The following WNT5A variants were observed in gnomAD, a reference collection of about 807,000 sequenced individuals.
The protein encoded by WNT5A is protein Wnt-5a.
In WNT5A, 9 loss-of-function variants were observed where a neutral mutation model predicts 42.1. That is an observed-to-expected ratio of 0.21 (90% CI 0.13 to 0.37). The LOEUF is 0.37. Ranked by LOEUF, WNT5A falls within the 10% of genes least tolerant of loss-of-function variation. The pLI is 1.00. For synonymous variants in WNT5A, 210 were observed against 210.0 expected (o/e 1.00, Z 0.00); for missense variants, 426 against 534.0 (o/e 0.80, Z 1.99).
At chr3:55,504,474 T>C in the WNT5A span, among the ~76,000 whole-genome samples, 5 of 150,388 alleles carry the variant, frequency 3.3e-5, no homozygotes, top group African/African-American at 1.2e-4. Flanking sequence ...TAAACCCCTT[T>C]TTTTTTTTTT....
intron 1 of WNT5A, among the ~76,000 whole-genome samples, chr3:55,482,985 T>C (rs1575405868): frequency 6.6e-6 from 1 of 152,180 alleles, no homozygotes; most frequent in East Asian, 1.9e-4. Context: ...CCCAGATTGG[T>C]GCTGGCCGCG....
upstream of WNT5A, among the ~76,000 whole-genome samples, chr3:55,491,920 C>T (rs1267615799): frequency 2.6e-5 from 4 of 152,218 alleles, no homozygotes; most frequent in African/African-American, 9.6e-5. Flanking sequence ...CGGGGGCTTC[C>T]TCACAACCAC....
At chr3:55,502,382 T>G in the WNT5A span, among the ~76,000 whole-genome samples, 5 of 152,214 alleles carry the variant, frequency 3.3e-5, no homozygotes, top group Admixed American at 3.3e-4. Flanking sequence ...GCTTATCCAT[T>G]TTCTTTCTTT....
Position 55,479,571 on chromosome 3 carries a change from G to T in WNT5A, c.141-7C>A, listed in dbSNP as rs766645570. The stretch of plus-strand genomic sequence containing the variant: ...GTTATTCATACCTAGCGACCTGCAA[G>T]GGGGGGAGATGTGCATTCAAGATTT... On this transcript the variant is annotated splice_polypyrimidine_tract_variant and splice_region_variant and intron_variant, in intron 2 of 4. Coordinates refer to ENST00000264634, the MANE Select transcript of WNT5A (RefSeq NM_003392.7). The T allele has an allele frequency of 3.1e-5, 49 of 1,570,784 alleles. No individual in the cohort carries two copies. The highest frequency in any genetic ancestry group is 3.9e-5 in the Non-Finnish European group (45 of 1,153,348).
chr3:55,487,464 A>C, upstream of WNT5A: 1 of 155,116 alleles, frequency 6.4e-6, no homozygotes, highest in Non-Finnish European at 1.4e-5. Context: ...CCACTACTCA[A>C]CTGTGGCCCG....
the WNT5A span, among the ~76,000 whole-genome samples, chr3:55,496,192 A>G: frequency 6.6e-6 from 1 of 152,238 alleles, no homozygotes; most frequent in Non-Finnish European, 1.5e-5. Flanking sequence ...GGTGAATAAA[A>G]TGACTCTGTT....
the WNT5A span, among the ~76,000 whole-genome samples, chr3:55,502,708 A>G: frequency 1.3e-5 from 2 of 152,240 alleles, no homozygotes; most frequent in South Asian, 4.1e-4. Flanking sequence ...ATCAACTAAG[A>G]CAGGCATTTT....
At chr3:55,488,394 C>G (rs889542202), upstream of WNT5A, 4 of 148,406 alleles carry the variant, frequency 2.7e-5, no homozygotes, top group African/African-American at 1.0e-4. Context: ...CCTCTTTCCC[C>G]TGGTGTTCTC....
At position 55,467,412 on chromosome 3, in the gene WNT5A, C is replaced by G. The variant is rs2051163679; in HGVS notation, c.*2680G>C. ...AACATATATAGGAAAAGAGAATTCC[C>G]CTTTTGTTCCATTACATATAGAAAC... On this transcript the variant is annotated 3_prime_UTR_variant, in exon 5 of 5. Coordinates refer to ENST00000264634, the MANE Select transcript of WNT5A (RefSeq NM_003392.7). 6.6e-6 allele frequency: 1 copy of G among 151,434 alleles called. No homozygotes were observed. The highest frequency in any genetic ancestry group is 1.5e-5 in the Non-Finnish European group (1 of 67,830). The allele number at this position is 151,434 out of a possible 1,614,324, so 9.4% of individuals were successfully genotyped here. A position where few individuals can be genotyped will look rare whatever the true frequency, so the allele number is the denominator to read the frequency against.
At position 55,470,060 on chromosome 3, in the gene WNT5A, T is replaced by C; in HGVS notation, c.*32A>G. ...GTACTTTCTATAAATAAGCGGGTCCTGGGAGCGGGGCTGAGTGCTGGGTGG... is the reference window on the plus strand; with the variant it reads ...GTACTTTCTATAAATAAGCGGGTCCCGGGAGCGGGGCTGAGTGCTGGGTGG... On this transcript the variant is annotated 3_prime_UTR_variant, in exon 5 of 5. Transcript: ENST00000264634. The C allele has an allele frequency of 8.1e-6, 13 of 1,613,174 alleles. No homozygotes were observed. The highest frequency in any genetic ancestry group is 1.1e-5 in the Non-Finnish European group (13 of 1,179,230).
the WNT5A span, among the ~76,000 whole-genome samples, chr3:55,500,761 A>C: frequency 6.6e-6 from 1 of 152,262 alleles, no homozygotes; most frequent in Admixed American, 6.5e-5. Flanking sequence ...CTGGTTTACC[A>C]CAGGAGTTCC....
Position 55,469,944 on chromosome 3 carries a change from TC to T in WNT5A, c.*147del. 1.3e-6 allele frequency: 1 copy of T among 797,032 alleles called. No homozygotes were observed. Among genetic ancestry groups the T allele is most frequent in the Non-Finnish European group, 2.0e-6 (1 of 494,048 alleles). 49.4% of individuals were successfully genotyped at this position (797,032 alleles called of 1,614,324 possible). The stretch of plus-strand genomic sequence containing the variant: ...TAATATTAATAATAAACCACAGAGT[TC>T]TTAGATGGTAACAGGAAAAAAAATG... On this transcript the variant is annotated 3_prime_UTR_variant, in exon 5 of 5. Transcript: ENST00000264634.
chr3:55,477,665 C>A (rs188190004), intron 3 of WNT5A, among the ~76,000 whole-genome samples: 3 of 152,118 alleles, frequency 2.0e-5, no homozygotes, highest in Non-Finnish European at 4.4e-5. Context: ...AATCTTGGAC[C>A]GCATTTAAAA....
the WNT5A span, among the ~76,000 whole-genome samples, chr3:55,498,063 T>C: frequency 1.2e-3 from 186 of 152,302 alleles, 1 homozygote; most frequent in African/African-American, 4.2e-3. Context: ...TCATGAAGGG[T>C]TGACAAGGCC....
chr3:55,489,397 G>T (rs1472997569), upstream of WNT5A: 1 of 152,586 alleles, frequency 6.6e-6, no homozygotes, highest in African/African-American at 2.4e-5. Flanking sequence ...GTGTTTTGGT[G>T]TGGTGGCTGT....
the WNT5A span, among the ~76,000 whole-genome samples, chr3:55,504,236 TCC>T: frequency 6.6e-6 from 1 of 151,606 alleles, no homozygotes; most frequent in South Asian, 2.1e-4. Flanking sequence ...GCCACTGCAC[TCC>T]AGCCTGAGCG....
intron 2 of WNT5A, among the ~76,000 whole-genome samples, chr3:55,480,172 G>GC (rs2051431838): frequency 6.6e-6 from 1 of 152,054 alleles, no homozygotes; most frequent in Admixed American, 6.5e-5. Context: ...TCATTTACAG[G>GC]GAAAAAAATA....
At chr3:55,484,191 G>A (rs1256057119) in intron 1 of WNT5A, among the ~76,000 whole-genome samples, 1 of 152,194 alleles carries the variant, frequency 6.6e-6, no homozygotes, top group East Asian at 1.9e-4. Flanking sequence ...TCCACTCTTG[G>A]TGGAAAAAGA....
chr3:55,488,256 CGCA>C (rs1436145568), upstream of WNT5A: 1 of 152,104 alleles, frequency 6.6e-6, no homozygotes, highest in Non-Finnish European at 1.5e-5. Context: ...CCGTGGAGCT[CGCA>C]GCAGATTTCC....
Sources: gnomAD v4.1 joint callset for allele counts (sites outside exome capture counted in the v4.1 genomes callset) on GRCh38, gnomAD v4.1.1 for gene constraint, MANE v1.5 for transcripts, NCBI Gene and HGNC (gene_info 2026-07-23, HGNC 2026-07-21) for gene names.